The following ERMN variants were observed in gnomAD, a reference collection of about 807,000 sequenced individuals.
ERMN encodes ermin.
Under a neutral mutation model 21.4 loss-of-function variants are expected in ERMN, and 17 were observed. That is an observed-to-expected ratio of 0.80 (90% CI 0.54 to 1.19). ERMN has a LOEUF of 1.19. Ranked by LOEUF, ERMN falls within the 50% of genes most tolerant of loss-of-function variation. ERMN has a pLI of 0.00. For synonymous variants in ERMN, 115 were observed against 111.9 expected (o/e 1.03, Z -0.17); for missense variants, 348 against 331.6 (o/e 1.05, Z -0.38).
intron 2 of ERMN, chr2:157,324,147 C>T: frequency 3.9e-6 from 1 of 258,588 alleles, no homozygotes; most frequent in Non-Finnish European, 7.7e-6. Context: ...TGTCAGGTGC[C>T]TGTAATCCCA....
In ERMN at chr2:157,325,751, C is replaced by T. The variant is rs1365470067; in HGVS notation, c.-109G>A. The T allele has an allele frequency of 1.9e-6, 3 of 1,569,454 alleles. No homozygotes were observed. Among genetic ancestry groups the T allele is most frequent in the Non-Finnish European group, 2.6e-6 (3 of 1,157,902 alleles). ...TCAAGTCCTATAGTTCCAACTCCTA[C>T]TCTAAGAGCACAAATTATTCACTTT... On this transcript the variant is annotated 5_prime_UTR_variant, in exon 1 of 3. Transcript: ENST00000410096.
intron 1 of ERMN, 148 bp downstream of exon 1, chr2:157,325,254 C>A: frequency 9.3e-7 from 1 of 1,072,546 alleles, no homozygotes; most frequent in Non-Finnish European, 1.4e-6. Context: ...TCACCAGAGG[C>A]AGAGGTTTAG....
At position 157,325,407 on chromosome 2, in the gene ERMN, A is replaced by G; in HGVS notation, c.236T>C (p.Leu79Pro). ...GGAGAAGGGAAACACTTTACCTTTT[A>G]GCATTTTGTCCTCCATGGATGAGTT... ...LLNSSMEDKM[L>P]KENPEEKLFI... is the part of the protein sequence containing the mutation. Residue 79 changes from leucine to proline, a missense_variant, in exon 1 of 3, where the codon CTA becomes CCA. By Grantham distance (98) the Leu-to-Pro change is moderately conservative (BLOSUM62 -3). Transcript: ENST00000410096. The G allele has an allele frequency of 1.9e-6, 3 of 1,613,798 alleles. No homozygotes were observed. Among genetic ancestry groups the G allele is most frequent in the African/African-American group, 1.3e-5 (1 of 75,044 alleles).
At position 157,324,702 on chromosome 2, in the gene ERMN, T is replaced by G; in HGVS notation, c.302A>C (p.Glu101Ala). Residue 101 changes from glutamate to alanine, a missense_variant, in exon 2 of 3, where the codon GAA becomes GCA. Coordinates refer to ENST00000410096, the MANE Select transcript of ERMN (RefSeq NM_020711.3). ...HKAITDLSLQ[E>A]TSADEMTFRE... The stretch of plus-strand genomic sequence containing the variant: ...GAATGTCATTTCATCAGCACTAGTT[T>G]CTTGGAGAGAAAGATCTGTGATAGC... 1 of 1,613,658 alleles carries G rather than the reference T, an allele frequency of 6.2e-7. No individual in the cohort carries two copies. The highest frequency in any genetic ancestry group is 8.5e-7 in the Non-Finnish European group (1 of 1,179,692).
upstream of ERMN, chr2:157,326,074 TG>T (rs1191634027): frequency 2.6e-6 from 1 of 379,608 alleles, no homozygotes; most frequent in African/African-American, 2.1e-5. Flanking sequence ...TAATTTTCCC[TG>T]TAACAGGAGC....
chr2:157,326,708 T>A (rs1341362213), upstream of ERMN, among the ~76,000 whole-genome samples: 1 of 152,180 alleles, frequency 6.6e-6, no homozygotes, highest in Non-Finnish European at 1.5e-5. Flanking sequence ...CCCACACAGC[T>A]CCTTCTATGT....
chr2:157,325,739 T>C lies in ERMN; in HGVS notation c.-97A>G. On this transcript the variant is annotated 5_prime_UTR_variant, in exon 1 of 3. Coordinates refer to ENST00000410096, the MANE Select transcript of ERMN (RefSeq NM_020711.3). Reference sequence around the variant, plus strand: ...CTGCTCTTGCCTTCAAGTCCTATAGTTCCAACTCCTACTCTAAGAGCACAA... The same window carrying C: ...CTGCTCTTGCCTTCAAGTCCTATAGCTCCAACTCCTACTCTAAGAGCACAA... The C allele has an allele frequency of 1.3e-6, 2 of 1,585,810 alleles. No individual in the cohort carries two copies. Among genetic ancestry groups the C allele is most frequent in the African/African-American group, 1.3e-5 (1 of 74,492 alleles).
intron 1 of ERMN, 30 bp downstream of exon 1, chr2:157,325,372 A>T: frequency 6.2e-7 from 1 of 1,610,618 alleles, no homozygotes; most frequent in Non-Finnish European, 8.5e-7. Context: ...AGTCAAAACA[A>T]GAAAATTAAG....
upstream of ERMN, chr2:157,326,021 T>A (rs1323187245): frequency 7.9e-6 from 7 of 891,304 alleles, no homozygotes; most frequent in South Asian, 2.5e-4. Context: ...TCAGTCCCCC[T>A]CTGGGAACAG....
rs61536459 is a variant in ERMN at position 157,322,246 on chromosome 2, GCACACA to G, written c.335-461_335-456del. 7.8e-3 allele frequency among the ~76,000 whole-genome samples: 1,114 copies of G among 142,114 alleles called. 9 individuals carry two copies. The highest frequency in any genetic ancestry group is 0.026 in the African/African-American group (1,041 of 39,694). 93.2% of individuals were successfully genotyped at this position (142,114 alleles called of 152,430 possible). On this transcript the variant is annotated intron_variant, in intron 2 of 2. Transcript: ENST00000410096. ...TTTTCTCACACATACACACACACAC[GCACACA>G]CACACACACACACACACACACCTCA...
rs191258794 is a variant in ERMN, at chr2:157,321,515, A to G, written c.611T>C (p.Ile204Thr). 20 of 1,614,012 alleles carry G rather than the reference A, an allele frequency of 1.2e-5. No homozygotes were observed. The East Asian group carries it at 4.5e-4, about 36-fold the overall frequency. The change falls in exon 3 of 3, where the codon ATA (isoleucine) becomes ACA (threonine). Residue 204 changes from isoleucine (I) to threonine (T), a missense_variant. Transcript: ENST00000410096. The part of the protein sequence containing the change: ...CNNDEDEVRV[I>T]EFKKKHEEVS... Reference sequence around the variant, plus strand: ...CTCTTCATGTTTTTTCTTAAATTCTATCACTCGAACTTCATCTTCATCATT... The same window carrying G: ...CTCTTCATGTTTTTTCTTAAATTCTGTCACTCGAACTTCATCTTCATCATT...
chr2:157,323,321 G>T (rs1465248214), intron 2 of ERMN, among the ~76,000 whole-genome samples: 1 of 152,216 alleles, frequency 6.6e-6, no homozygotes, highest in African/African-American at 2.4e-5. Context: ...ATTGGAAGCA[G>T]AATAATTAGG....
rs767981317 is a variant in ERMN at position 157,321,762 on chromosome 2, C to T, written c.364G>A (p.Gly122Ser). ...TGTCTTCTTATTTCCTGGTTACTGCCACTCAGAGGAATCTTCTCCCACTGA... is the reference window on the plus strand; with the variant it reads ...TGTCTTCTTATTTCCTGGTTACTGCTACTCAGAGGAATCTTCTCCCACTGA... ...GHQWEKIPLS[G>S]SNQEIRRQKE... Residue 122 changes from glycine to serine, a missense_variant, in exon 3 of 3, where the codon GGC becomes AGC. Gly to Ser is a moderately conservative substitution (Grantham distance 56, BLOSUM62 0). Coordinates refer to ENST00000410096, the MANE Select transcript of ERMN (RefSeq NM_020711.3). 3.7e-6 allele frequency: 6 copies of T among 1,611,464 alleles called. No individual in the cohort carries two copies. In the South Asian group the frequency reaches 5.5e-5, roughly 15 times the overall value.
rs1683882722 is a variant in ERMN at position 157,321,209 on chromosome 2, C to T, written c.*62G>A. 2 of 1,554,944 alleles carry T rather than the reference C, an allele frequency of 1.3e-6. No individual in the cohort carries two copies. Among genetic ancestry groups the T allele is most frequent in the Admixed American group, 1.8e-5 (1 of 55,236 alleles). On this transcript the variant is annotated 3_prime_UTR_variant, in exon 3 of 3. Transcript: ENST00000410096. ...TCAAATAAGGCATAGAAATATGCAC[C>T]CTGGGGCAATAGAATTAGCTTTTCC...
At chr2:157,324,997 T>A (rs984070101) in intron 1 of ERMN, 5 of 352,294 alleles carry the variant, frequency 1.4e-5, no homozygotes, top group Non-Finnish European at 2.1e-5. Context: ...ATATAAGATA[T>A]AGAACCATAA....
At chr2:157,327,154 A>G (rs1312138718), upstream of ERMN, 1 of 160,554 alleles carries the variant, frequency 6.2e-6, no homozygotes, top group Admixed American at 6.5e-5. Flanking sequence ...TAAATTTCAG[A>G]TCATTTTTAA....
chr2:157,327,572 C>T, upstream of ERMN: 1 of 727,222 alleles, frequency 1.4e-6, no homozygotes, highest in East Asian at 2.5e-5. Context: ...CTAGTAAGGT[C>T]ACAGAGCCAG....
intron 1 of ERMN, 130 bp downstream of exon 1, chr2:157,325,268 TTATA>T: frequency 8.3e-7 from 1 of 1,199,206 alleles, no homozygotes; most frequent in Non-Finnish European, 1.2e-6. Context: ...GGTTTAGTCC[TTATA>T]CTATGCGTAG....
At chr2:157,326,762 G>A (rs985075381), upstream of ERMN, among the ~76,000 whole-genome samples, 6 of 152,098 alleles carry the variant, frequency 3.9e-5, no homozygotes, top group Non-Finnish European at 7.3e-5. Context: ...GGGCTGACCA[G>A]CTTCCCTAAG....
Sources: gnomAD v4.1 joint callset for allele counts (sites outside exome capture counted in the v4.1 genomes callset) on GRCh38, gnomAD v4.1.1 for gene constraint, MANE v1.5 for transcripts, NCBI Gene and HGNC (gene_info 2026-07-23, HGNC 2026-07-21) for gene names.